The following SASH1 variants were observed in gnomAD, a reference collection of about 807,000 sequenced individuals.
SASH1 encodes the protein SAM and SH3 domain-containing protein 1.
SASH1 carries 44 observed loss-of-function variants against 125.2 expected under a neutral mutation model. That is an observed-to-expected ratio of 0.35 (90% CI 0.28 to 0.45). The LOEUF is 0.45. SASH1 is among the 20% of genes least tolerant of loss of function. The probability of loss-of-function intolerance (pLI) is 1.00; values close to 1 mark genes in which losing one functional copy is unlikely to be tolerated. For missense variants in SASH1, 1,426 were observed against 1,614.5 expected, an observed-to-expected ratio of 0.88 and a Z score of 2.00; for synonymous variants, 639 against 649.1, an observed-to-expected ratio of 0.98 and a Z score of 0.24.
the SASH1 span, among the ~76,000 whole-genome samples, chr6:148,252,410 C>T: frequency 1.3e-5 from 2 of 151,880 alleles, no homozygotes; most frequent in Non-Finnish European, 2.9e-5. Context: ...ACAACAGCTA[C>T]ATCATGGCTA....
At chr6:148,531,383 A>G in intron 12 of SASH1, 143 bp from the exon 13 acceptor site, 1 of 627,510 alleles carries the variant, frequency 1.6e-6, no homozygotes. Context: ...TGTAAGTTTA[A>G]GAGGAGGAGA....
At chr6:148,430,102 G>A (rs572972128) in intron 2 of SASH1, among the ~76,000 whole-genome samples, 1 of 152,308 alleles carries the variant, frequency 6.6e-6, no homozygotes, top group African/African-American at 2.4e-5. Context: ...ATAGGAGAGC[G>A]TATTGGGATT....
At chr6:148,417,358 G>A (rs1784865194) in intron 2 of SASH1, among the ~76,000 whole-genome samples, 1 of 152,016 alleles carries the variant, frequency 6.6e-6, no homozygotes, top group Non-Finnish European at 1.5e-5. Flanking sequence ...AGGGTGAAGC[G>A]GGCGGATCAC....
chr6:148,225,121 C>T, the SASH1 span, among the ~76,000 whole-genome samples: 3 of 152,170 alleles, frequency 2.0e-5, no homozygotes, highest in East Asian at 5.8e-4. Context: ...GGAAAGAAGT[C>T]CTGTGATTGT....
At chr6:148,199,256 C>T in the SASH1 span, among the ~76,000 whole-genome samples, 1 of 151,988 alleles carries the variant, frequency 6.6e-6, no homozygotes, top group South Asian at 2.1e-4. Context: ...GTGGTGGGTG[C>T]CCAGCTACTC....
At chr6:148,341,833 C>G (rs1317900415), upstream of SASH1, among the ~76,000 whole-genome samples, 1 of 152,100 alleles carries the variant, frequency 6.6e-6, no homozygotes, top group African/African-American at 2.4e-5. Context: ...GGTTTCTTAA[C>G]TGTTTCAAAA....
intron 9 of SASH1, among the ~76,000 whole-genome samples, chr6:148,516,837 TC>T: frequency 6.6e-6 from 1 of 152,028 alleles, no homozygotes; most frequent in East Asian, 1.9e-4. Context: ...CTGTTCTCAC[TC>T]CGCTGCCACC....
chr6:148,398,702 C>G (rs896457813), intron 2 of SASH1, among the ~76,000 whole-genome samples: 4 of 152,128 alleles, frequency 2.6e-5, no homozygotes, highest in African/African-American at 9.7e-5. Context: ...TTCCTTTTGT[C>G]TTCACTTACA....
chr6:148,473,587 G>T (rs959919841), intron 6 of SASH1, among the ~76,000 whole-genome samples: 1 of 152,200 alleles, frequency 6.6e-6, no homozygotes, highest in African/African-American at 2.4e-5. Context: ...CAGTGAAATA[G>T]CTTAGTAGGA....
chr6:148,329,589 ACAGCT>A (rs1200227782), intron 1 of SASH1, among the ~76,000 whole-genome samples: 1 of 152,158 alleles, frequency 6.6e-6, no homozygotes, highest in Non-Finnish European at 1.5e-5. Flanking sequence ...ATTGTATAAG[ACAGCT>A]CAGAAGAACT....
intron 2 of SASH1, among the ~76,000 whole-genome samples, chr6:148,405,160 G>A (rs1032398832): frequency 4.6e-5 from 7 of 152,074 alleles, no homozygotes; most frequent in African/African-American, 1.4e-4. Flanking sequence ...CCTGGACATG[G>A]GGTGATTCTG....
At chr6:148,235,012 T>C in the SASH1 span, among the ~76,000 whole-genome samples, 3 of 152,312 alleles carry the variant, frequency 2.0e-5, no homozygotes, top group South Asian at 6.2e-4. Flanking sequence ...TTTGGGATAA[T>C]CTGATAACAA....
At chr6:148,437,783 A>C (rs1776357317) in intron 2 of SASH1, among the ~76,000 whole-genome samples, 1 of 152,270 alleles carries the variant, frequency 6.6e-6, no homozygotes, top group Non-Finnish European at 1.5e-5. Context: ...TAGCAAATGA[A>C]CATGCTAAGA....
chr6:148,351,576 AT>A (rs947203344), intron 1 of SASH1, among the ~76,000 whole-genome samples: 11 of 150,262 alleles, frequency 7.3e-5, no homozygotes, highest in Admixed American at 4.0e-4. Flanking sequence ...GAATCACATG[AT>A]TTTTAAGTAA....
intron 1 of SASH1, among the ~76,000 whole-genome samples, chr6:148,378,207 A>G (rs1410586481): frequency 6.6e-6 from 1 of 151,706 alleles, no homozygotes; most frequent in African/African-American, 2.4e-5. Context: ...ATGCGCCACC[A>G]TGCCTGGCTA....
intron 2 of SASH1, among the ~76,000 whole-genome samples, chr6:148,393,041 ATTTTTTTT>A (rs11368073): frequency 3.8e-5 from 3 of 78,124 alleles, no homozygotes; most frequent in South Asian, 4.5e-4. Flanking sequence ...GAATGTTTCA[ATTTTTTTT>A]TTTTTTTTTT....
chr6:148,498,409 A>T (rs1466274403), intron 8 of SASH1, among the ~76,000 whole-genome samples: 1 of 149,756 alleles, frequency 6.7e-6, no homozygotes, highest in Non-Finnish European at 1.5e-5. Context: ...TCTAAAAAAG[A>T]AAAAAAAAAG....
the SASH1 span, among the ~76,000 whole-genome samples, chr6:148,213,654 A>G: frequency 8.0e-3 from 1,201 of 150,282 alleles, 59 homozygotes; most frequent in Admixed American, 0.072. Flanking sequence ...CTGCTCTTAT[A>G]AACAACCAAC....
At chr6:148,205,790 G>T in the SASH1 span, among the ~76,000 whole-genome samples, 5 of 152,180 alleles carry the variant, frequency 3.3e-5, no homozygotes, top group Non-Finnish European at 5.9e-5. Context: ...CTGCTGACCT[G>T]CCCTGAGCCT....
Sources: allele counts gnomAD v4.1 joint callset (sites outside exome capture counted in the v4.1 genomes callset), GRCh38; gene constraint gnomAD v4.1.1; transcripts MANE v1.5; gene names NCBI Gene and HGNC (gene_info 2026-07-23, HGNC 2026-07-21).